NEB: variants seen among roughly 807,000 people sequenced by gnomAD.
NEB encodes nebulin.
Under a neutral mutation model 952.2 loss-of-function variants are expected in NEB, and 512 were observed. The ratio of observed to expected loss-of-function variants is 0.54; its 90% CI spans 0.50 to 0.58. The LOEUF is 0.58. Among genes scored for constraint, NEB ranks in the 20% least tolerant of loss-of-function variants. NEB has a pLI of 0.00. For missense variants in NEB, 8,428 were observed against 9,231.1 expected, an observed-to-expected ratio of 0.91 and a Z score of 3.56; for synonymous variants, 2,900 against 3,149.8, an observed-to-expected ratio of 0.92 and a Z score of 2.66.
chr2:151,631,652 A>G (rs2098670364), intron 65 of NEB, among the ~76,000 whole-genome samples: 1 of 152,208 alleles, frequency 6.6e-6, no homozygotes, highest in African/African-American at 2.4e-5. Flanking sequence ...ATACCAACCC[A>G]GAGAGACAGA....
At chr2:151,701,466 T>C (rs941492873) in intron 13 of NEB, among the ~76,000 whole-genome samples, 33 of 149,954 alleles carry the variant, frequency 2.2e-4, no homozygotes, top group South Asian at 2.1e-4. Flanking sequence ...GTACCTCTGA[T>C]AGAATTCGGC....
chr2:151,727,576 T>C (rs1222111586), intron 5 of NEB, 115 bp downstream of exon 5: 1 of 1,047,442 alleles, frequency 9.5e-7, no homozygotes, highest in Admixed American at 2.9e-5. Flanking sequence ...CAAAATAAGT[T>C]TTTGTTTCAT....
At chr2:151,671,480 C>T (rs912919738) in intron 37 of NEB, 2 of 414,980 alleles carry the variant, frequency 4.8e-6, no homozygotes, top group East Asian at 7.9e-5. Context: ...AATTTTGTCA[C>T]TTTTGACAAT....
At chr2:151,626,563 A>C (rs969609962) in intron 70 of NEB, among the ~76,000 whole-genome samples, 3 of 151,248 alleles carry the variant, frequency 2.0e-5, no homozygotes, top group African/African-American at 4.9e-5. Context: ...TTGAGACGGA[A>C]TCTTGCTCTG....
rs2098124174 is a variant in NEB at position 151,614,346 on chromosome 2, T to G, written c.11531A>C (p.His3844Pro). Residue 3844 changes from histidine (H) to proline (P), a missense_variant, in exon 77 of 182, where the codon CAT becomes CCT. His to Pro is a moderately conservative substitution (Grantham distance 77). Coordinates refer to ENST00000397345, the MANE Select transcript of NEB (RefSeq NM_001164508.2). ...CTGATCAGGCAGGCAGGTCCATTCA[T>G]GCAGGGGATGCTTGTAGTCTATGTC... is the stretch of plus-strand genomic sequence containing the variant. ...VSDIDYKHPL[H>P]EWTCLPDQND... The G allele has an allele frequency of 4.3e-6, 7 of 1,613,952 alleles. No individual in the cohort carries two copies. The highest frequency in any genetic ancestry group is 5.9e-6 in the Non-Finnish European group (7 of 1,179,862).
At chr2:151,697,781 T>C in intron 13 of NEB, 133 bp from the exon 14 acceptor site, 1 of 665,026 alleles carries the variant, frequency 1.5e-6, no homozygotes, top group Non-Finnish European at 2.5e-6. Flanking sequence ...AAACTGACAA[T>C]TGAGGCCAGG....
At chr2:151,695,919 C>T in intron 17 of NEB, among the ~76,000 whole-genome samples, 1 of 152,172 alleles carries the variant, frequency 6.6e-6, no homozygotes, top group East Asian at 1.9e-4. Context: ...ACATGTTCCC[C>T]TCCCTGCGTA....
At chr2:151,678,392 A>G (rs1186166122) in intron 32 of NEB, among the ~76,000 whole-genome samples, 1 of 152,218 alleles carries the variant, frequency 6.6e-6, no homozygotes, top group East Asian at 1.9e-4. Context: ...TTGATTGTCT[A>G]TAGCTGTTTC....
In NEB at chr2:151,727,872, C is replaced by A. The variant is rs2099795771; in HGVS notation, c.113G>T (p.Arg38Met). 1 of 1,613,428 alleles carries A rather than the reference C, an allele frequency of 6.2e-7. No homozygotes were observed. The highest frequency in any genetic ancestry group is 2.2e-5 in the East Asian group (1 of 44,896). Residue 38 changes from arginine (R) to methionine (M), a missense_variant, in exon 5 of 182, where the codon AGG becomes ATG. Arg to Met is a moderately conservative substitution (Grantham distance 91, BLOSUM62 -1). Coordinates refer to ENST00000397345, the MANE Select transcript of NEB (RefSeq NM_001164508.2). ...TTCTGATTGCTCATAGTCAGATGTCCTTGTTGTCGTAGTCTCATAAATTTT... is the reference window on the plus strand; with the variant it reads ...TTCTGATTGCTCATAGTCAGATGTCATTGTTGTCGTAGTCTCATAAATTTT... ...ITKIYETTTT[R>M]TSDYEQSETS...
rs764472169 is a variant in NEB, at chr2:151,727,727, A to G, written c.258T>C (p.Ile86=). 2 of 1,613,588 alleles carry G rather than the reference A, an allele frequency of 1.2e-6. No homozygotes were observed. The highest frequency in any genetic ancestry group is 1.7e-6 in the Non-Finnish European group (2 of 1,179,654). ...VDPSKFMTPY[I]AHSQKMQDLF... is the part of the protein sequence containing the mutation. ...GATCCTGCATTTTCTGACTGTGTGC[A>G]ATGTAGGGGGTCATGAACTTTGAAG... The change falls in exon 5 of 182, where the codon ATT becomes ATC. Residue 86 remains isoleucine, a synonymous_variant. Coordinates refer to ENST00000397345, the MANE Select transcript of NEB (RefSeq NM_001164508.2).
chr2:151,525,911 G>C, intron 150 of NEB, 47 bp downstream of exon 150: 1 of 1,429,154 alleles, frequency 7.0e-7, no homozygotes, highest in Non-Finnish European at 9.9e-7. Context: ...AGATTCTACA[G>C]TCAAGTGGCA....
At chr2:151,557,135 A>G (rs896820793) in intron 124 of NEB, among the ~76,000 whole-genome samples, 4 of 152,186 alleles carry the variant, frequency 2.6e-5, no homozygotes, top group African/African-American at 9.6e-5. Context: ...ACTAATAAAG[A>G]AGAAAAGAAA....
Position 151,675,295 on chromosome 2 carries a change from T to C in NEB, c.3871A>G (p.Ile1291Val), listed in dbSNP as rs760069884. Residue 1291 changes from isoleucine (I) to valine (V), a missense_variant, in exon 35 of 182, where the codon ATA becomes GTA. Coordinates refer to ENST00000397345, the MANE Select transcript of NEB (RefSeq NM_001164508.2). ...FLQAKCNAYN[I>V]SDVCYKRDWY... ...GCAAAGACCCTACTTACGTCACTTA[T>C]ATTGTAAGCATTGCACTTGGCCTGG... is the stretch of plus-strand genomic sequence containing the variant. 2.5e-6 allele frequency: 4 copies of C among 1,577,024 alleles called. No individual in the cohort carries two copies. Among genetic ancestry groups the C allele is most frequent in the East Asian group, 2.3e-5 (1 of 44,236 alleles).
At position 151,688,414 on chromosome 2, in the gene NEB, T is replaced by G; in HGVS notation, c.2311-18A>C. 1 of 1,589,376 alleles carries G rather than the reference T, an allele frequency of 6.3e-7. No homozygotes were observed. ...TAATTCAGCTGAAAAACAAAGGATA[T>G]TTGAACGGTTCAGGGGAACTTCTTT... is the stretch of plus-strand genomic sequence containing the variant. On this transcript the variant is annotated intron_variant, in intron 24 of 181. Coordinates refer to ENST00000397345, the MANE Select transcript of NEB (RefSeq NM_001164508.2).
Position 151,499,388 on chromosome 2 carries a change from C to T in NEB, c.24024G>A (p.Val8008=), listed in dbSNP as rs2062732152. Residue 8008 remains valine, a splice_region_variant and synonymous_variant, in exon 169 of 182, where the codon GTG becomes GTA. Coordinates refer to ENST00000397345, the MANE Select transcript of NEB (RefSeq NM_001164508.2). ...CTTTTCCAACGTTTTCTTTATACAA[C>T]ACCTGTATGACACAAGAAAGCATCC... ...VKLNQENFSS[V]LYKENVGKGI... is the part of the protein sequence containing the mutation. 6.6e-7 allele frequency: 1 copy of T among 1,518,030 alleles called. No homozygotes were observed. The highest frequency in any genetic ancestry group is 1.7e-4 in the Middle Eastern group (1 of 5,922). The allele number at this position is 1,518,030 out of a possible 1,614,324, so 94.0% of individuals were successfully genotyped here. A position where few individuals can be genotyped will look rare whatever the true frequency, so the allele number is the denominator to read the frequency against.
intron 75 of NEB, 142 bp downstream of exon 75, chr2:151,617,222 A>C: frequency 5.7e-6 from 3 of 526,644 alleles, no homozygotes; most frequent in Non-Finnish European, 9.9e-6. Flanking sequence ...CTCAAAATTG[A>C]ATCAAGTGAG....
At position 151,684,972 on chromosome 2, in the gene NEB, C is replaced by T. The variant is rs200486767; in HGVS notation, c.2641G>A (p.Glu881Lys). The change falls in exon 28 of 182, where the codon GAA becomes AAA. Residue 881 changes from glutamate (E) to lysine (K), a missense_variant. Physicochemically the swap from Glu to Lys is moderately conservative, Grantham distance 56 (BLOSUM62 1). Transcript: ENST00000397345. ...GACTTTTCATAATCTTTTCGATATT[C>T]GCGCTGTGAATAGGAAATTATCATT... Reference protein sequence around the residue: ...LKTAKNQSDREYRKDYEKSKT... With the variant: ...LKTAKNQSDRKYRKDYEKSKT... The T allele has an allele frequency of 1.8e-5, 29 of 1,599,246 alleles. No homozygotes were observed. The Admixed American group carries it at 2.6e-4, about 14-fold the overall frequency.
At position 151,524,302 on chromosome 2, in the gene NEB, C is replaced by G; in HGVS notation, c.22479+9G>C. 3.1e-6 allele frequency: 5 copies of G among 1,610,288 alleles called. No homozygotes were observed. Among genetic ancestry groups the G allele is most frequent in the Non-Finnish European group, 4.2e-6 (5 of 1,176,840 alleles). ...ACATGAGAGCCACCAGTGCACCCAT[C>G]TGCATTACCTGGCTGCTCAGCTTGG... On this transcript the variant is annotated intron_variant, in intron 153 of 181. Transcript: ENST00000397345.
chr2:151,521,672 T>G (rs1400424626), intron 153 of NEB, among the ~76,000 whole-genome samples: 36 of 152,260 alleles, frequency 2.4e-4, no homozygotes, highest in Admixed American at 2.4e-3. Context: ...TACTTGTTTC[T>G]GAAGAGGTAT....
Sources: allele counts gnomAD v4.1 joint callset (sites outside exome capture counted in the v4.1 genomes callset), GRCh38; gene constraint gnomAD v4.1.1; transcripts MANE v1.5; gene names NCBI Gene and HGNC (gene_info 2026-07-23, HGNC 2026-07-21).